PIBF1: variants seen among roughly 807,000 people sequenced by gnomAD.
PIBF1 encodes the protein progesterone-induced-blocking factor 1.
A neutral mutation model predicts 112.5 loss-of-function variants in PIBF1; 90 were observed. The ratio of observed to expected loss-of-function variants is 0.80; its 90% CI spans 0.67 to 0.95. PIBF1 has a LOEUF of 0.95. Among genes scored for constraint, PIBF1 ranks in the 40% least tolerant of loss-of-function variants. The pLI is 0.00. For missense variants in PIBF1, 915 were observed against 852.3 expected (o/e 1.07, Z -0.92); for synonymous variants, 301 against 288.6 (o/e 1.04, Z -0.44).
chr13:72,903,728 T>C (rs1290536779), intron 11 of PIBF1, among the ~76,000 whole-genome samples: 9 of 152,156 alleles, frequency 5.9e-5, no homozygotes, highest in Non-Finnish European at 1.2e-4. Context: ...TGAAAACTTT[T>C]CTCCTTAGTT....
rs374701992 is a variant in PIBF1, at chr13:72,942,900, C to T, written c.1833+11633C>T. Among the ~76,000 whole-genome samples, 72 of 152,190 alleles carry T rather than the reference C, an allele frequency of 4.7e-4. No homozygotes were observed. The South Asian group carries it at 7.3e-3, about 15-fold the overall frequency. ...CATATAGTCCCAGCTACTTGGGAGT[C>T]TGAGGCAAGAGAATTGCTTGAGCCT... On this transcript the variant is annotated intron_variant, in intron 14 of 17. Transcript: ENST00000326291.
At chr13:72,784,905 C>T (rs1248680712) in intron 2 of PIBF1, among the ~76,000 whole-genome samples, 1 of 152,016 alleles carries the variant, frequency 6.6e-6, no homozygotes, top group Non-Finnish European at 1.5e-5. Context: ...GACAGTCTTG[C>T]TCTGTCACCC....
chr13:72,929,159 G>A (rs1204190545), intron 13 of PIBF1, among the ~76,000 whole-genome samples: 1 of 152,120 alleles, frequency 6.6e-6, no homozygotes, highest in Non-Finnish European at 1.5e-5. Context: ...TGTATGAAGA[G>A]TAAGAAAGCA....
intron 5 of PIBF1, among the ~76,000 whole-genome samples, chr13:72,809,612 G>T (rs2138052416): frequency 8.3e-6 from 1 of 119,874 alleles, no homozygotes; most frequent in South Asian, 2.6e-4. Context: ...TTTTTTTGGA[G>T]ATGGAGTTTT....
chr13:72,792,759 C>T (rs184270220), intron 3 of PIBF1, among the ~76,000 whole-genome samples: 89 of 152,274 alleles, frequency 5.8e-4, no homozygotes, highest in Admixed American at 5.8e-3. Flanking sequence ...ATTCAACAAA[C>T]ATTGGTCAGT....
chr13:72,874,317 T>C (rs1474677178), intron 10 of PIBF1, among the ~76,000 whole-genome samples: 1 of 152,236 alleles, frequency 6.6e-6, no homozygotes, highest in Non-Finnish European at 1.5e-5. Flanking sequence ...TTATAGCTGC[T>C]ATATTTCTAA....
chr13:72,792,852 C>T (rs1457362395), intron 3 of PIBF1, among the ~76,000 whole-genome samples: 3 of 152,228 alleles, frequency 2.0e-5, no homozygotes, highest in Non-Finnish European at 2.9e-5. Context: ...GATTGATTCT[C>T]ATGACCCATT....
intron 11 of PIBF1, among the ~76,000 whole-genome samples, chr13:72,898,878 T>C (rs1187680636): frequency 6.7e-6 from 1 of 149,650 alleles, no homozygotes; most frequent in Admixed American, 6.7e-5. Flanking sequence ...TGATAGACCA[T>C]TAACAAGATT....
chr13:72,973,582 T>C lies in PIBF1; in HGVS notation c.1965-9T>C. On this transcript the variant is annotated splice_polypyrimidine_tract_variant and intron_variant, in intron 15 of 17. Transcript: ENST00000326291. ...AATGACTTTTTAAAACTGGGGTTTT[T>C]TTTTTCAGCAACTTAAATAAAGAAA... is the stretch of plus-strand genomic sequence containing the variant. The C allele has an allele frequency of 6.7e-7, 1 of 1,493,792 alleles. No homozygotes were observed. The highest frequency in any genetic ancestry group is 1.2e-5 in the South Asian group (1 of 80,182). The allele number at this position is 1,493,792 out of a possible 1,614,324, so 92.5% of individuals were successfully genotyped here.
rs2034279362 is a variant in PIBF1, at chr13:72,782,133, AG to A, written c.-263del. On this transcript the variant is annotated 5_prime_UTR_variant, in exon 1 of 18. Coordinates refer to ENST00000326291, the MANE Select transcript of PIBF1 (RefSeq NM_006346.4). ...CTTTCCGCTCCTCGGAACATCCGGG[AG>A]AGTTGACTTCCGGCGGCTTGTGGGA... 2 of 332,320 alleles carry A rather than the reference AG, an allele frequency of 6.0e-6. No individual in the cohort carries two copies. Among genetic ancestry groups the A allele is most frequent in the Admixed American group, 9.5e-5 (2 of 21,018 alleles). 20.6% of individuals were successfully genotyped at this position (332,320 alleles called of 1,614,324 possible).
rs886229517 is a variant in PIBF1, at chr13:72,862,251, A to C, written c.1322+8096A>C. 8.5e-5 allele frequency among the ~76,000 whole-genome samples: 13 copies of C among 152,320 alleles called. No homozygotes were observed. In the South Asian group the frequency reaches 2.7e-3, roughly 32 times the overall value. On this transcript the variant is annotated intron_variant, in intron 10 of 17. Transcript: ENST00000326291. ...AATCTAAGTGAAGTTACAGAACATG[A>C]ATGTTAAAGGAATAGAATTAGAAGT...
chr13:72,984,562 A>G (rs978038547), intron 16 of PIBF1, among the ~76,000 whole-genome samples: 1 of 152,144 alleles, frequency 6.6e-6, no homozygotes, highest in Non-Finnish European at 1.5e-5. Context: ...TCTTACACCC[A>G]TTTCACAGAG....
chr13:72,988,737 A>G (rs1298314487), intron 16 of PIBF1, among the ~76,000 whole-genome samples: 1 of 152,128 alleles, frequency 6.6e-6, no homozygotes, highest in Admixed American at 6.6e-5. Context: ...TGAAGTATTT[A>G]CAAGTGAAAT....
intron 12 of PIBF1, among the ~76,000 whole-genome samples, chr13:72,916,732 T>C (rs981785946): frequency 6.6e-6 from 1 of 152,122 alleles, no homozygotes; most frequent in Non-Finnish European, 1.5e-5. Context: ...TTGATGACTT[T>C]GATATGTTAT....
chr13:72,969,762 G>A (rs2042841583), intron 15 of PIBF1: 3 of 152,142 alleles, frequency 2.0e-5, no homozygotes, highest in African/African-American at 4.8e-5. Flanking sequence ...TGGTAAATGT[G>A]TCTGTAAAAT....
At chr13:72,825,900 C>CAA (rs373047064) in intron 6 of PIBF1, among the ~76,000 whole-genome samples, 8 of 77,694 alleles carry the variant, frequency 1.0e-4, no homozygotes, top group South Asian at 3.7e-4. Context: ...ACCGTCTTTA[C>CAA]AAAAAAAAAA....
At chr13:72,863,194 G>C (rs904290286) in intron 10 of PIBF1, among the ~76,000 whole-genome samples, 2 of 151,998 alleles carry the variant, frequency 1.3e-5, no homozygotes, top group Non-Finnish European at 2.9e-5. Context: ...AGGACAGACA[G>C]CAAAGCAAAC....
intron 5 of PIBF1, among the ~76,000 whole-genome samples, chr13:72,818,894 A>G (rs1391585279): frequency 1.3e-5 from 2 of 151,652 alleles, no homozygotes; most frequent in African/African-American, 4.8e-5. Context: ...TAGTTCTCTC[A>G]TTTTTCGCAG....
intron 16 of PIBF1, among the ~76,000 whole-genome samples, chr13:72,995,483 A>G (rs570471160): frequency 1.3e-5 from 2 of 152,250 alleles, no homozygotes; most frequent in Admixed American, 6.5e-5. Context: ...ATAAATAAAT[A>G]ATATACTTAC....
Sources: allele counts gnomAD v4.1 joint callset (sites outside exome capture counted in the v4.1 genomes callset), GRCh38; gene constraint gnomAD v4.1.1; transcripts MANE v1.5; gene names NCBI Gene and HGNC (gene_info 2026-07-23, HGNC 2026-07-21).